Variants in NLRP13 observed in about 807,000 individuals in gnomAD.
NLRP13 encodes the protein NLR family pyrin domain containing 13.
In NLRP13, 82 loss-of-function variants were observed where a neutral mutation model predicts 94.4. The ratio of observed to expected loss-of-function variants is 0.87; its 90% CI spans 0.73 to 1.04. NLRP13 has a LOEUF of 1.04. Ranked by LOEUF, NLRP13 falls within the 50% of genes least tolerant of loss-of-function variation. The probability of loss-of-function intolerance (pLI) is 0.00; values close to 1 mark genes in which losing one functional copy is unlikely to be tolerated. For missense variants in NLRP13, 1,426 were observed against 1,230.8 expected (o/e 1.16, Z -2.37); for synonymous variants, 553 against 464.7 (o/e 1.19, Z -2.45).
intron 4 of NLRP13, among the ~76,000 whole-genome samples, chr19:55,920,244 A>G (rs1416699049): frequency 6.6e-6 from 1 of 152,214 alleles, no homozygotes; most frequent in African/African-American, 2.4e-5. Context: ...AAATGTAGGG[A>G]AAAGTTTTCT....
At chr19:55,892,025 G>T (rs544130096), downstream of NLRP13, 157 of 1,091,702 alleles carry the variant, frequency 1.4e-4, 1 homozygote, top group South Asian at 3.3e-3. Flanking sequence ...TGTCTTCAAG[G>T]TCATTAAAAT....
intron 4 of NLRP13, among the ~76,000 whole-genome samples, chr19:55,913,548 C>CAAAAAAAAAAAAAAAAAAAAAAAAAAA (rs10530056): frequency 1.7e-4 from 9 of 52,070 alleles, no homozygotes; most frequent in Admixed American, 1.7e-4. Flanking sequence ...GACTCCGTCT[C>CAAAAAAAAAAAAAAAAAAAAAAAAAAA]AAAAAAAAAA....
intron 4 of NLRP13, 84 bp downstream of exon 4, chr19:55,923,830 T>C: frequency 2.1e-6 from 2 of 943,620 alleles, no homozygotes; most frequent in South Asian, 2.7e-5. Context: ...AAAATGTCAG[T>C]ATGAGGCAAC....
chr19:55,913,213 C>A lies in NLRP13; in HGVS notation c.604G>T (p.Val202Leu), dbSNP rs1193094359. The A allele has an allele frequency of 6.2e-7, 1 of 1,614,070 alleles. No individual in the cohort carries two copies. The highest frequency in any genetic ancestry group is 8.5e-7 in the Non-Finnish European group (1 of 1,180,004). ...TCCTTTGATGTATTACGGATATATACGTGGTCTTTAGGCCAACTGATGTTG... is the reference window on the plus strand; with the variant it reads ...TCCTTTGATGTATTACGGATATATAAGTGGTCTTTAGGCCAACTGATGTTG... ...WDNISWPKDH[V>L]YIRNTSKDEH... Residue 202 changes from valine (V) to leucine (L), a missense_variant, in exon 5 of 11, where the codon GTA becomes TTA. Coordinates refer to ENST00000342929, the MANE Select transcript of NLRP13 (RefSeq NM_176810.2).
At chr19:55,931,151 TCAGA>T (rs780800173) in intron 1 of NLRP13, among the ~76,000 whole-genome samples, 1 of 151,884 alleles carries the variant, frequency 6.6e-6, no homozygotes, top group South Asian at 2.1e-4. Context: ...TGATCTGAAA[TCAGA>T]CAGAAAGTGT....
chr19:55,916,207 T>G (rs533833385), intron 4 of NLRP13, among the ~76,000 whole-genome samples: 4 of 152,086 alleles, frequency 2.6e-5, no homozygotes, highest in African/African-American at 7.2e-5. Flanking sequence ...AGTCACATCC[T>G]CAAGGGAAAA....
chr19:55,901,763 G>C (rs538690448), intron 9 of NLRP13, among the ~76,000 whole-genome samples: 1 of 152,104 alleles, frequency 6.6e-6, no homozygotes, highest in Non-Finnish European at 1.5e-5. Context: ...TCACCCTGAT[G>C]AAGTGTAGCA....
chr19:55,908,731 A>G (rs1437190958), intron 6 of NLRP13, among the ~76,000 whole-genome samples: 1 of 152,222 alleles, frequency 6.6e-6, no homozygotes, highest in Non-Finnish European at 1.5e-5. Context: ...ATGAGAACAC[A>G]TGGACACATA....
At chr19:55,902,406 A>G (rs1986212854) in intron 8 of NLRP13, among the ~76,000 whole-genome samples, 2 of 152,158 alleles carry the variant, frequency 1.3e-5, no homozygotes, top group African/African-American at 2.4e-5. Context: ...AGATTTCTAC[A>G]GTGAGTACAC....
intron 9 of NLRP13, among the ~76,000 whole-genome samples, chr19:55,900,193 CAAGA>C (rs943418123): frequency 2.6e-5 from 4 of 151,362 alleles, no homozygotes; most frequent in African/African-American, 9.7e-5. Context: ...GTTTTAAAAA[CAAGA>C]AAGAATTCCC....
chr19:55,914,637 T>C (rs934713698), intron 4 of NLRP13, among the ~76,000 whole-genome samples: 1 of 152,238 alleles, frequency 6.6e-6, no homozygotes, highest in Non-Finnish European at 1.5e-5. Context: ...ATCCCATATA[T>C]TAGTGAGATG....
At chr19:55,916,768 A>G (rs1986686137) in intron 4 of NLRP13, among the ~76,000 whole-genome samples, 1 of 152,162 alleles carries the variant, frequency 6.6e-6, no homozygotes, top group Non-Finnish European at 1.5e-5. Context: ...AGGGAGAAGA[A>G]AGAGCAAAAA....
chr19:55,918,401 G>T (rs755510256), intron 4 of NLRP13, among the ~76,000 whole-genome samples: 4 of 151,782 alleles, frequency 2.6e-5, no homozygotes, highest in Admixed American at 6.6e-5. Flanking sequence ...AGCAGAAATA[G>T]AGACCAAAAT....
chr19:55,898,969 A>T (rs767337069), intron 9 of NLRP13, 32 bp from the exon 10 acceptor site: 1 of 1,599,874 alleles, frequency 6.3e-7, no homozygotes, highest in Non-Finnish European at 8.5e-7. Context: ...AAGGGGGGAA[A>T]GTAATTGCGT....
At chr19:55,928,655 A>G (rs1987028529) in intron 1 of NLRP13, among the ~76,000 whole-genome samples, 1 of 152,222 alleles carries the variant, frequency 6.6e-6, no homozygotes, top group South Asian at 2.1e-4. Flanking sequence ...TCCTCTCTCC[A>G]GGTCTCTATA....
At chr19:55,907,459 G>A (rs1301235075) in intron 7 of NLRP13, among the ~76,000 whole-genome samples, 1 of 152,162 alleles carries the variant, frequency 6.6e-6, no homozygotes, top group Non-Finnish European at 1.5e-5. Flanking sequence ...GTGGGTACCA[G>A]CCACTCGGGG....
chr19:55,918,187 C>T (rs78776533), intron 4 of NLRP13, among the ~76,000 whole-genome samples: 1 of 147,210 alleles, frequency 6.8e-6, no homozygotes. Flanking sequence ...AAAATTAAGA[C>T]AGAAATTAAG....
At chr19:55,914,008 G>A (rs148712594) in intron 4 of NLRP13, among the ~76,000 whole-genome samples, 12 of 152,208 alleles carry the variant, frequency 7.9e-5, no homozygotes, top group South Asian at 4.1e-4. Flanking sequence ...GACCCGACTC[G>A]ACTCACAAGG....
chr19:55,899,741 T>C (rs985583832), intron 9 of NLRP13, among the ~76,000 whole-genome samples: 14 of 152,058 alleles, frequency 9.2e-5, no homozygotes, highest in African/African-American at 2.7e-4. Flanking sequence ...GATTGCACCA[T>C]TGTACTCCAG....
Sources: gnomAD v4.1 joint callset for allele counts (sites outside exome capture counted in the v4.1 genomes callset) on GRCh38, gnomAD v4.1.1 for gene constraint, MANE v1.5 for transcripts, NCBI Gene and HGNC (gene_info 2026-07-23, HGNC 2026-07-21) for gene names.